Variants in DUT observed in about 807,000 individuals in gnomAD.
DUT encodes the protein deoxyuridine 5'-triphosphate nucleotidohydrolase, mitochondrial.
A neutral mutation model predicts 28.8 loss-of-function variants in DUT; 21 were observed. That is an observed-to-expected ratio of 0.73 (90% CI 0.52 to 1.05). The LOEUF is 1.05. DUT is among the 50% of genes least tolerant of loss of function. The pLI is 0.00. For synonymous variants in DUT, 147 were observed against 143.7 expected (o/e 1.02, Z -0.17); for missense variants, 344 against 351.8 (o/e 0.98, Z 0.18).
Position 48,331,463 on chromosome 15 carries a change from C to G in DUT, c.-53C>G. ...ACGGGCGCGTCTTCAGGGTGGAAGCCTGGCGCACGTCCGGAGGTGCCGAGG... is the reference window on the plus strand; with the variant it reads ...ACGGGCGCGTCTTCAGGGTGGAAGCGTGGCGCACGTCCGGAGGTGCCGAGG... On this transcript the variant is annotated 5_prime_UTR_variant, in exon 1 of 7. Coordinates refer to ENST00000331200, the MANE Select transcript of DUT (RefSeq NM_001025248.2). The G allele has an allele frequency of 6.2e-7, 1 of 1,602,136 alleles. No individual in the cohort carries two copies. Among genetic ancestry groups the G allele is most frequent in the Non-Finnish European group, 8.5e-7 (1 of 1,175,086 alleles).
At chr15:48,331,979 C>A (rs1460564559) in intron 1 of DUT, 184 bp downstream of exon 1, 1 of 880,934 alleles carries the variant, frequency 1.1e-6, no homozygotes, top group East Asian at 3.2e-5. Context: ...CCTAGAAGCT[C>A]CCCTTCAAAG....
chr15:48,332,316 G>T lies in DUT; in HGVS notation c.329G>T (p.Gly110Val). 1 of 1,608,846 alleles carries T rather than the reference G, an allele frequency of 6.2e-7. No individual in the cohort carries two copies. Among genetic ancestry groups the T allele is most frequent in the African/African-American group, 1.3e-5 (1 of 74,472 alleles). The change falls in exon 2 of 7, where the codon GGC (glycine) becomes GTC (valine). Residue 110 changes from glycine to valine, a missense_variant. Coordinates refer to ENST00000331200, the MANE Select transcript of DUT (RefSeq NM_001025248.2). ...PSKRARPAEVGGMQLRFARLS... is the reference protein window; with the variant it reads ...PSKRARPAEVVGMQLRFARLS... ...AAGCGGGCCCGGCCTGCGGAGGTGG[G>T]CGGCATGCAGCTCCGCTTTGCCCGG... is the stretch of plus-strand genomic sequence containing the variant.
intron 4 of DUT, among the ~76,000 whole-genome samples, chr15:48,338,103 G>C (rs1435068824): frequency 2.6e-5 from 4 of 151,830 alleles, no homozygotes; most frequent in African/African-American, 9.7e-5. Flanking sequence ...TATCCTGTAG[G>C]CAGAGAAGGC....
At position 48,334,269 on chromosome 15, in the gene DUT, TTCA is replaced by T. The variant is rs1331312046; in HGVS notation, c.420-143_420-141del. 8.0e-5 allele frequency: 37 copies of T among 464,364 alleles called. No individual in the cohort carries two copies. In the East Asian group the frequency reaches 1.2e-3, roughly 15 times the overall value. The allele number at this position is 464,364 out of a possible 1,614,324, so 28.8% of individuals were successfully genotyped here. A position where few individuals can be genotyped will look rare whatever the true frequency, so the allele number is the denominator to read the frequency against. On this transcript the variant is annotated intron_variant, in intron 2 of 6. Transcript: ENST00000331200. ...ATAAACTTTTAAGATGAATTGGTAA[TTCA>T]TCATAGCAAGGTTGATTTTAGAAAC...
At chr15:48,339,177 G>A (rs192764561) in intron 4 of DUT, among the ~76,000 whole-genome samples, 1 of 152,018 alleles carries the variant, frequency 6.6e-6, no homozygotes, top group East Asian at 1.9e-4. Context: ...AAAAAGAATG[G>A]CTAACATTTA....
chr15:48,335,947 A>C lies in DUT; in HGVS notation c.512-99A>C. The C allele has an allele frequency of 3.4e-6, 3 of 882,758 alleles. No homozygotes were observed. In the South Asian group the frequency reaches 4.6e-5, roughly 13 times the overall value. 54.7% of individuals were successfully genotyped at this position (882,758 alleles called of 1,614,324 possible). A position where few individuals can be genotyped will look rare whatever the true frequency, so the allele number is the denominator to read the frequency against. On this transcript the variant is annotated intron_variant, in intron 3 of 6. Transcript: ENST00000331200. ...CTAAAGTTAAGATGAAGATATAGAT[A>C]TTATAGGTGAAGAGAATGACATGCT...
At chr15:48,335,066 G>C (rs1013889142) in intron 3 of DUT, among the ~76,000 whole-genome samples, 10 of 152,204 alleles carry the variant, frequency 6.6e-5, no homozygotes, top group Non-Finnish European at 1.2e-4. Context: ...GAGCTAGACT[G>C]GCACTATATT....
chr15:48,340,872 G>A (rs1409103589), intron 4 of DUT, among the ~76,000 whole-genome samples: 1 of 151,906 alleles, frequency 6.6e-6, no homozygotes, highest in Non-Finnish European at 1.5e-5. Context: ...TAGGCTTTTT[G>A]ACATTTTTAT....
intron 1 of DUT, 117 bp from the exon 2 acceptor site, chr15:48,332,151 G>A: frequency 7.0e-7 from 1 of 1,423,394 alleles, no homozygotes. Context: ...GTGGGGCGGG[G>A]CTGGCGGGAA....
At position 48,331,658 on chromosome 15, in the gene DUT, C is replaced by G. The variant is rs1277736588; in HGVS notation, c.143C>G (p.Ala48Gly). 1.6e-5 allele frequency: 24 copies of G among 1,537,118 alleles called. 1 individual carries two copies. The East Asian group carries it at 6.0e-4, about 38-fold the overall frequency. Residue 48 changes from alanine (A) to glycine (G), a missense_variant, in exon 1 of 7, where the codon GCC becomes GGC. Transcript: ENST00000331200. ...LSGPGPPLGR[A>G]AQHGIPRPLS... Reference sequence around the variant, plus strand: ...GGGCCAGGCCCGCCCCTCGGCCGCGCCGCGCAGCACGGGATTCCCCGGCCG... The same window carrying G: ...GGGCCAGGCCCGCCCCTCGGCCGCGGCGCGCAGCACGGGATTCCCCGGCCG...
In DUT at chr15:48,331,472, G is replaced by C; in HGVS notation, c.-44G>C. 3 of 1,606,518 alleles carry C rather than the reference G, an allele frequency of 1.9e-6. No individual in the cohort carries two copies. The highest frequency in any genetic ancestry group is 2.5e-6 in the Non-Finnish European group (3 of 1,177,146). On this transcript the variant is annotated 5_prime_UTR_variant, in exon 1 of 7. Transcript: ENST00000331200. ...TCTTCAGGGTGGAAGCCTGGCGCACGTCCGGAGGTGCCGAGGACCCAACCA... is the reference window on the plus strand; with the variant it reads ...TCTTCAGGGTGGAAGCCTGGCGCACCTCCGGAGGTGCCGAGGACCCAACCA...
At chr15:48,331,827 C>G in intron 1 of DUT, 32 bp downstream of exon 1, 2 of 1,185,670 alleles carry the variant, frequency 1.7e-6, no homozygotes, top group African/African-American at 3.5e-5. Context: ...CTCCGGCCGT[C>G]TGGAAGGAAT....
At chr15:48,340,252 GAATT>G (rs1411283224) in intron 4 of DUT, 21 of 152,202 alleles carry the variant, frequency 1.4e-4, no homozygotes, top group African/African-American at 5.1e-4. Flanking sequence ...TGAGGAGAAA[GAATT>G]AACGTGTATA....
In DUT at chr15:48,335,984, A is replaced by T. The variant is rs1290480003; in HGVS notation, c.512-62A>T. 10 of 1,284,238 alleles carry T rather than the reference A, an allele frequency of 7.8e-6. No individual in the cohort carries two copies. The East Asian group carries it at 2.1e-4, about 27-fold the overall frequency. 79.6% of individuals were successfully genotyped at this position (1,284,238 alleles called of 1,614,324 possible). On this transcript the variant is annotated intron_variant, in intron 3 of 6. Coordinates refer to ENST00000331200, the MANE Select transcript of DUT (RefSeq NM_001025248.2). Reference sequence around the variant, plus strand: ...GAGAATGACATGCTTAAATTGCATCAGTTATCTCTGATATAGCCCTTCCCC... The same window carrying T: ...GAGAATGACATGCTTAAATTGCATCTGTTATCTCTGATATAGCCCTTCCCC...
intron 4 of DUT, among the ~76,000 whole-genome samples, chr15:48,338,093 T>A (rs139839187): frequency 2.0e-5 from 3 of 152,236 alleles, no homozygotes; most frequent in East Asian, 3.9e-4. Context: ...CTGATACTTA[T>A]ATCCTGTAGG....
At chr15:48,333,351 TA>T (rs1019911924) in intron 2 of DUT, among the ~76,000 whole-genome samples, 14 of 152,134 alleles carry the variant, frequency 9.2e-5, no homozygotes, top group African/African-American at 3.1e-4. Context: ...TGAATAAAAG[TA>T]GAGTGATATA....
upstream of DUT, chr15:48,331,205 G>C (rs894015217): frequency 5.3e-6 from 8 of 1,519,232 alleles, no homozygotes; most frequent in African/African-American, 9.8e-5. Flanking sequence ...AATCAGTCCA[G>C]GAGCAGGGCC....
intron 6 of DUT, 69 bp from the exon 7 acceptor site, chr15:48,341,953 A>G: frequency 8.5e-7 from 1 of 1,170,504 alleles, no homozygotes; most frequent in Non-Finnish European, 1.2e-6. Flanking sequence ...TTTTCTTAGG[A>G]GCTGGAGAGG....
chr15:48,336,909 G>A (rs1206059785), intron 4 of DUT, among the ~76,000 whole-genome samples: 4 of 152,206 alleles, frequency 2.6e-5, no homozygotes, highest in Admixed American at 2.6e-4. Flanking sequence ...TGGAGTCTCT[G>A]TGTGATTCCA....
Sources: allele counts gnomAD v4.1 joint callset (sites outside exome capture counted in the v4.1 genomes callset), GRCh38; gene constraint gnomAD v4.1.1; transcripts MANE v1.5; gene names NCBI Gene and HGNC (gene_info 2026-07-23, HGNC 2026-07-21).